The following SHLD1 variants were observed in gnomAD, a reference collection of about 807,000 sequenced individuals.
SHLD1 encodes the protein RINN1-REV7-interacting novel NHEJ regulator 3.
A neutral mutation model predicts 5.5 loss-of-function variants in SHLD1; 3 were observed. The ratio of observed to expected loss-of-function variants is 0.54; its 90% confidence interval spans 0.25 to 1.40. The LOEUF is 1.40. SHLD1 is among the 40% of genes most tolerant of loss of function. The pLI is 0.15. For missense variants in SHLD1, 210 were observed against 244.4 expected (o/e 0.86, Z 0.94); for synonymous variants, 92 against 94.3 (o/e 0.98, Z 0.14).
chr20:5,817,432 C>CTCTCTCTCTGTGTGTGTG (rs1473391202), intron 2 of SHLD1, among the ~76,000 whole-genome samples: 2 of 85,666 alleles, frequency 2.3e-5, no homozygotes, highest in African/African-American at 1.1e-4. Flanking sequence ...CTCTCTCTCT[C>CTCTCTCTCTGTGTGTGTG]TGTGTGTGTG....
At chr20:5,757,342 G>A (rs1984176873) in intron 1 of SHLD1, among the ~76,000 whole-genome samples, 1 of 151,770 alleles carries the variant, frequency 6.6e-6, no homozygotes, top group South Asian at 2.1e-4. Context: ...CTCCCAAAGT[G>A]CCTGGTGTAA....
At chr20:5,765,938 G>T (rs1984809809) in intron 1 of SHLD1, among the ~76,000 whole-genome samples, 1 of 151,506 alleles carries the variant, frequency 6.6e-6, no homozygotes, top group Non-Finnish European at 1.5e-5. Context: ...TCTTTTTGTG[G>T]TCCAGTTCCC....
intron 2 of SHLD1, among the ~76,000 whole-genome samples, chr20:5,793,599 A>AT (rs2087171836): frequency 6.6e-6 from 1 of 152,174 alleles, no homozygotes; most frequent in African/African-American, 2.4e-5. Flanking sequence ...TAAAAGTTTA[A>AT]TTTTCAACTT....
intron 1 of SHLD1, among the ~76,000 whole-genome samples, chr20:5,771,155 G>C (rs1241279340): frequency 6.6e-6 from 1 of 152,198 alleles, no homozygotes; most frequent in Non-Finnish European, 1.5e-5. Flanking sequence ...CAGAGTACCA[G>C]AGTTAATCTG....
chr20:5,842,060 T>G (rs749203676), intron 2 of SHLD1, among the ~76,000 whole-genome samples: 4 of 152,262 alleles, frequency 2.6e-5, no homozygotes, highest in Non-Finnish European at 5.9e-5. Flanking sequence ...CATAACTGGC[T>G]TATTATGGAA....
chr20:5,822,383 TG>T lies in SHLD1; in HGVS notation c.179-40638del, dbSNP rs774150421. 9.2e-5 allele frequency among the ~76,000 whole-genome samples: 14 copies of T among 152,178 alleles called. No individual in the cohort carries two copies. In the East Asian group the frequency reaches 1.4e-3, roughly 15 times the overall value. On this transcript the variant is annotated intron_variant, in intron 2 of 2. Coordinates refer to ENST00000303142, the MANE Select transcript of SHLD1 (RefSeq NM_152504.4). ...CTGAGGCAGGAGAATCACTTGAACC[TG>T]GGAGGCAGAGGCTGCAGTGAACCAA... is the stretch of plus-strand genomic sequence containing the variant.
chr20:5,798,657 G>C (rs1777368), intron 2 of SHLD1, among the ~76,000 whole-genome samples: 1 of 146,758 alleles, frequency 6.8e-6, no homozygotes. Flanking sequence ...TTACTCTGTC[G>C]CCCAGGCTGG....
chr20:5,796,204 T>C (rs941431400), intron 2 of SHLD1, among the ~76,000 whole-genome samples: 1 of 152,136 alleles, frequency 6.6e-6, no homozygotes, highest in Non-Finnish European at 1.5e-5. Flanking sequence ...TAATCAGATC[T>C]TAGAGGAAAC....
At chr20:5,840,658 C>T (rs1236217679) in intron 2 of SHLD1, among the ~76,000 whole-genome samples, 2 of 152,198 alleles carry the variant, frequency 1.3e-5, no homozygotes, top group African/African-American at 4.8e-5. Context: ...GCAACAGCCC[C>T]TTTGGCCGTT....
intron 1 of SHLD1, among the ~76,000 whole-genome samples, chr20:5,762,971 CAAAAAAAAAA>C (rs561487362): frequency 1.9e-3 from 192 of 102,704 alleles, no homozygotes; most frequent in African/African-American, 7.2e-3. Flanking sequence ...GACTCCGTCT[CAAAAAAAAAA>C]AAAAAAAAAA....
chr20:5,820,200 C>T (rs963183401), intron 2 of SHLD1, among the ~76,000 whole-genome samples: 6 of 152,258 alleles, frequency 3.9e-5, no homozygotes, highest in African/African-American at 1.4e-4. Flanking sequence ...CCCACCTCGG[C>T]CTCCCAAAGT....
intron 2 of SHLD1, among the ~76,000 whole-genome samples, chr20:5,830,811 G>A (rs1157815164): frequency 6.6e-6 from 1 of 152,032 alleles, no homozygotes. Context: ...CTTGATCTCA[G>A]TGCTGATTAT....
At chr20:5,768,987 C>G (rs1284882153) in intron 1 of SHLD1, among the ~76,000 whole-genome samples, 1 of 151,432 alleles carries the variant, frequency 6.6e-6, no homozygotes, top group African/African-American at 2.4e-5. Flanking sequence ...CTCACTGCAG[C>G]CTTGACCTCC....
intron 2 of SHLD1, among the ~76,000 whole-genome samples, chr20:5,838,900 G>T (rs2087821647): frequency 6.6e-6 from 1 of 152,224 alleles, no homozygotes; most frequent in Non-Finnish European, 1.5e-5. Context: ...TGTGGCTGAT[G>T]TCCTTGTCAG....
At chr20:5,751,823 A>T (rs1723111868) in intron 1 of SHLD1, among the ~76,000 whole-genome samples, 1 of 152,074 alleles carries the variant, frequency 6.6e-6, no homozygotes, top group African/African-American at 2.4e-5. Flanking sequence ...TTTTAGGGAG[A>T]CAGGAGTTAA....
intron 2 of SHLD1, among the ~76,000 whole-genome samples, chr20:5,817,358 T>C (rs1418705061): frequency 6.6e-6 from 1 of 151,484 alleles, no homozygotes. Context: ...ATCAACTTGA[T>C]CCTTTCAAGA....
At chr20:5,770,065 C>T (rs1335414197) in intron 1 of SHLD1, among the ~76,000 whole-genome samples, 1 of 149,154 alleles carries the variant, frequency 6.7e-6, no homozygotes, top group Non-Finnish European at 1.5e-5. Flanking sequence ...AGGTGAATGG[C>T]GCAGGCACTG....
At chr20:5,793,333 G>C (rs2087168515) in intron 2 of SHLD1, among the ~76,000 whole-genome samples, 1 of 151,980 alleles carries the variant, frequency 6.6e-6, no homozygotes, top group Non-Finnish European at 1.5e-5. Flanking sequence ...ATGTATTTTA[G>C]TGCATTTGTT....
At chr20:5,779,225 G>A (rs1439178434) in intron 2 of SHLD1, among the ~76,000 whole-genome samples, 4 of 151,704 alleles carry the variant, frequency 2.6e-5, no homozygotes, top group Non-Finnish European at 5.9e-5. Context: ...AAGTCAGTTA[G>A]GAGAGGTTAT....
Sources: gnomAD v4.1 joint callset for allele counts (sites outside exome capture counted in the v4.1 genomes callset) on GRCh38, gnomAD v4.1.1 for gene constraint, MANE v1.5 for transcripts, NCBI Gene and HGNC (gene_info 2026-07-23, HGNC 2026-07-21) for gene names.